Variants in ATP8A2 observed in about 807,000 individuals in gnomAD.
The protein encoded by ATP8A2 is ATPase phospholipid transporting 8A2.
In ATP8A2, 100 loss-of-function variants were observed where a neutral mutation model predicts 165.6. The observed-to-expected ratio is 0.60, with a 90% CI of 0.51 to 0.71. The LOEUF (loss-of-function observed/expected upper bound fraction) is 0.71. Ranked by LOEUF, ATP8A2 falls within the 30% of genes least tolerant of loss-of-function variation. The pLI is 0.00. For missense variants in ATP8A2, 1,227 were observed against 1,479.5 expected, an observed-to-expected ratio of 0.83 and a Z score of 2.80; for synonymous variants, 543 against 548.8, an observed-to-expected ratio of 0.99 and a Z score of 0.15.
chr13:25,615,391 A>G (rs939695879), intron 24 of ATP8A2, among the ~76,000 whole-genome samples: 1 of 152,090 alleles, frequency 6.6e-6, no homozygotes, highest in South Asian at 2.1e-4. Flanking sequence ...TTCCTACCGT[A>G]TGTCCCCCAA....
At chr13:25,658,601 T>C (rs1593151668) in intron 24 of ATP8A2, among the ~76,000 whole-genome samples, 4 of 152,270 alleles carry the variant, frequency 2.6e-5, no homozygotes, top group Admixed American at 2.6e-4. Flanking sequence ...ATCGCACCAT[T>C]GCACTCCAGC....
chr13:25,684,756 T>C (rs914641863), intron 24 of ATP8A2, among the ~76,000 whole-genome samples: 2 of 448 alleles, frequency 4.5e-3, no homozygotes, highest in Non-Finnish European at 0.022. Context: ...CCACTTCTCT[T>C]TTTTTTTGTT....
At chr13:25,863,806 G>A (rs559499288) in intron 33 of ATP8A2, 1 of 152,342 alleles carries the variant, frequency 6.6e-6, no homozygotes, top group South Asian at 2.1e-4. Context: ...CTGTCCTATA[G>A]GAGTGGGCTT....
chr13:25,403,941 G>A (rs1051804093), intron 1 of ATP8A2, among the ~76,000 whole-genome samples: 1 of 152,166 alleles, frequency 6.6e-6, no homozygotes, highest in African/African-American at 2.4e-5. Flanking sequence ...GAGGGAGGGG[G>A]CTGCAGGAAG....
intron 2 of ATP8A2, among the ~76,000 whole-genome samples, chr13:25,483,266 GA>G (rs2036259168): frequency 6.6e-6 from 1 of 152,222 alleles, no homozygotes; most frequent in Admixed American, 6.5e-5. Context: ...TAGTGACGGA[GA>G]AGGTGTTGAT....
intron 1 of ATP8A2, among the ~76,000 whole-genome samples, chr13:25,415,880 AGT>A (rs1456891054): frequency 2.0e-5 from 3 of 151,832 alleles, no homozygotes; most frequent in African/African-American, 2.4e-5. Flanking sequence ...CCCAGGCTGG[AGT>A]GTAGAGGCCA....
At chr13:25,719,095 G>C (rs2043316799) in intron 25 of ATP8A2, among the ~76,000 whole-genome samples, 1 of 152,190 alleles carries the variant, frequency 6.6e-6, no homozygotes, top group South Asian at 2.1e-4. Flanking sequence ...ACTTTCCCAG[G>C]TGAGCACTTA....
intron 27 of ATP8A2, among the ~76,000 whole-genome samples, chr13:25,798,535 C>T (rs933970392): frequency 2.0e-5 from 3 of 152,132 alleles, no homozygotes; most frequent in African/African-American, 7.2e-5. Context: ...GTAAAAAGCC[C>T]ATCCTCAATA....
chr13:25,751,306 C>T (rs1423678868), intron 25 of ATP8A2, among the ~76,000 whole-genome samples: 1 of 152,180 alleles, frequency 6.6e-6, no homozygotes, highest in Non-Finnish European at 1.5e-5. Context: ...AGGACTTCTT[C>T]AAATACCTTG....
chr13:25,455,481 G>A (rs2035341851), intron 1 of ATP8A2, among the ~76,000 whole-genome samples: 5 of 152,150 alleles, frequency 3.3e-5, no homozygotes, highest in Admixed American at 2.6e-4. Context: ...TTATCTTCAT[G>A]GAATTATGGA....
In ATP8A2 at chr13:25,540,031, CCTTTCTCTTTCAT is replaced by C. The variant is rs562788696; in HGVS notation, c.582-284_582-272del. On this transcript the variant is annotated intron_variant, in intron 7 of 36. Transcript: ENST00000381655. ...TCTGACTGGGGACATCACATGTTTCCCTTTCTCTTTCATCTTCAGTTCATTCCTGTCTTCTTGA... is the reference window on the plus strand; with the variant it reads ...TCTGACTGGGGACATCACATGTTTCCCTTCAGTTCATTCCTGTCTTCTTGA... 2.0e-5 allele frequency among the ~76,000 whole-genome samples: 3 copies of C among 152,256 alleles called. No individual in the cohort carries two copies. In the East Asian group the frequency reaches 5.8e-4, roughly 29 times the overall value.
At chr13:25,673,233 A>T (rs1738859485) in intron 24 of ATP8A2, among the ~76,000 whole-genome samples, 1 of 152,206 alleles carries the variant, frequency 6.6e-6, no homozygotes, top group South Asian at 2.1e-4. Context: ...TTGTACTATT[A>T]GCAGAGTTCT....
At chr13:25,573,931 T>C (rs1219142935) in intron 18 of ATP8A2, among the ~76,000 whole-genome samples, 2 of 152,188 alleles carry the variant, frequency 1.3e-5, no homozygotes, top group Non-Finnish European at 2.9e-5. Context: ...TACTTGGTAA[T>C]TTGAATGTGT....
intron 24 of ATP8A2, among the ~76,000 whole-genome samples, chr13:25,631,112 C>A (rs933509976): frequency 2.0e-5 from 3 of 152,132 alleles, no homozygotes; most frequent in African/African-American, 7.2e-5. Context: ...TCTGACCCAG[C>A]AAGCAAATCC....
intron 33 of ATP8A2, among the ~76,000 whole-genome samples, chr13:25,924,461 C>A (rs1261999333): frequency 6.6e-6 from 1 of 152,114 alleles, no homozygotes; most frequent in Non-Finnish European, 1.5e-5. Context: ...TTCCTCTTCA[C>A]GTGCGGGCCT....
At chr13:26,006,053 A>C (rs1039145380) in intron 35 of ATP8A2, among the ~76,000 whole-genome samples, 5 of 152,060 alleles carry the variant, frequency 3.3e-5, no homozygotes, top group Non-Finnish European at 7.4e-5. Flanking sequence ...AACAAACAAA[A>C]AAAACCATTG....
At chr13:25,549,193 C>T (rs2038742965) in intron 10 of ATP8A2, among the ~76,000 whole-genome samples, 1 of 152,092 alleles carries the variant, frequency 6.6e-6, no homozygotes, top group African/African-American at 2.4e-5. Context: ...GGCGCGGTGG[C>T]TCATGCCTGT....
intron 27 of ATP8A2, among the ~76,000 whole-genome samples, chr13:25,802,879 T>A (rs1814128515): frequency 6.6e-6 from 1 of 151,736 alleles, no homozygotes; most frequent in Non-Finnish European, 1.5e-5. Context: ...CATAAAATGA[T>A]GAAATATGCG....
intron 24 of ATP8A2, among the ~76,000 whole-genome samples, chr13:25,688,637 G>A (rs1248839247): frequency 6.6e-6 from 1 of 152,210 alleles, no homozygotes; most frequent in Non-Finnish European, 1.5e-5. Context: ...TCCTGATATA[G>A]CAGAGGATTT....
Sources: allele counts gnomAD v4.1 joint callset (sites outside exome capture counted in the v4.1 genomes callset), GRCh38; gene constraint gnomAD v4.1.1; transcripts MANE v1.5; gene names NCBI Gene and HGNC (gene_info 2026-07-23, HGNC 2026-07-21).